TMTC2: variants seen among roughly 807,000 people sequenced by gnomAD.
TMTC2 encodes protein O-mannosyl-transferase TMTC2.
Under a neutral mutation model 82.4 loss-of-function variants are expected in TMTC2, and 43 were observed. The observed-to-expected ratio is 0.52, with a 90% confidence interval of 0.41 to 0.67. TMTC2 has a LOEUF of 0.67. TMTC2 is among the 30% of genes least tolerant of loss of function. TMTC2 has a pLI of 0.00. For missense variants in TMTC2, 919 were observed against 1,012.4 expected, an observed-to-expected ratio of 0.91 and a Z score of 1.25; for synonymous variants, 408 against 381.9, an observed-to-expected ratio of 1.07 and a Z score of -0.80.
chr12:82,911,174 C>T (rs931091996), intron 3 of TMTC2, among the ~76,000 whole-genome samples: 1 of 152,112 alleles, frequency 6.6e-6, no homozygotes, highest in African/African-American at 2.4e-5. Context: ...GCCACTGCGC[C>T]CGGCGGGTCT....
At chr12:82,865,804 A>G (rs1871817198) in intron 2 of TMTC2, among the ~76,000 whole-genome samples, 1 of 152,188 alleles carries the variant, frequency 6.6e-6, no homozygotes, top group Admixed American at 6.5e-5. Context: ...AAATTATAAC[A>G]AACTGTCTCT....
chr12:82,898,753 A>G (rs909558288), intron 3 of TMTC2, among the ~76,000 whole-genome samples: 1 of 152,208 alleles, frequency 6.6e-6, no homozygotes, highest in Admixed American at 6.5e-5. Flanking sequence ...GAAATTGCAC[A>G]CACCATGCTT....
chr12:82,811,288 A>G (rs895274864), intron 1 of TMTC2, among the ~76,000 whole-genome samples: 2 of 152,092 alleles, frequency 1.3e-5, no homozygotes, highest in African/African-American at 4.8e-5. Context: ...GCAGTTCTTT[A>G]TAGCAGTATG....
intron 3 of TMTC2, among the ~76,000 whole-genome samples, chr12:82,905,884 G>T (rs1389935237): frequency 6.6e-6 from 1 of 151,512 alleles, no homozygotes; most frequent in Admixed American, 6.6e-5. Flanking sequence ...GGCAGAGGTT[G>T]CAGTGAGCCG....
rs992850883 is a variant in TMTC2, at chr12:82,704,888, C to T, written c.83+17219C>T. ...ATTATATGAAAAAGATACTTGCACA[C>T]GCATGTTTATAGCGGCACAATTCGC... On this transcript the variant is annotated intron_variant, in intron 1 of 11. Coordinates refer to ENST00000321196, the MANE Select transcript of TMTC2 (RefSeq NM_152588.3). Among the ~76,000 whole-genome samples the T allele has an allele frequency of 3.3e-5, 5 of 152,164 alleles. No homozygotes were observed. The South Asian group carries it at 6.2e-4, about 19-fold the overall frequency.
intron 1 of TMTC2, among the ~76,000 whole-genome samples, chr12:82,821,301 A>G (rs1869096092): frequency 6.6e-6 from 1 of 152,202 alleles, no homozygotes; most frequent in Non-Finnish European, 1.5e-5. Context: ...AGCATCTCAC[A>G]AAAGTCCTGG....
At chr12:82,943,942 G>A (rs1241287658) in intron 4 of TMTC2, among the ~76,000 whole-genome samples, 2 of 152,030 alleles carry the variant, frequency 1.3e-5, no homozygotes, top group Non-Finnish European at 2.9e-5. Flanking sequence ...TTATATTATC[G>A]TGACAAGGTA....
rs1375491269 is a variant in TMTC2, at chr12:82,965,010, T to G, written c.1599-14T>G. ...ATACAGTCCTTTCTCTAAATTTCTG[T>G]TTTCCTCATGCAGAGGGCTACTTCT... On this transcript the variant is annotated splice_polypyrimidine_tract_variant and intron_variant, in intron 4 of 11. Transcript: ENST00000321196. The G allele has an allele frequency of 1.3e-6, 2 of 1,598,074 alleles. No individual in the cohort carries two copies. The highest frequency in any genetic ancestry group is 4.5e-5 in the East Asian group (2 of 44,726).
intron 11 of TMTC2, among the ~76,000 whole-genome samples, chr12:83,124,260 G>A (rs1885041181): frequency 6.6e-6 from 1 of 152,176 alleles, no homozygotes; most frequent in Admixed American, 6.5e-5. Flanking sequence ...ATAAATATGT[G>A]TTAAATTACA....
chr12:82,851,396 A>T (rs982815074), intron 1 of TMTC2, among the ~76,000 whole-genome samples: 1 of 152,204 alleles, frequency 6.6e-6, no homozygotes, highest in Non-Finnish European at 1.5e-5. Flanking sequence ...AGCCTGGGCG[A>T]CAGAGTGAGA....
intron 11 of TMTC2, among the ~76,000 whole-genome samples, chr12:83,103,874 T>C (rs1177324555): frequency 6.6e-6 from 1 of 152,178 alleles, no homozygotes; most frequent in East Asian, 1.9e-4. Flanking sequence ...GCTGGTTACT[T>C]CCAAGTAAAA....
chr12:83,129,591 C>T (rs1407260774), intron 11 of TMTC2, among the ~76,000 whole-genome samples: 1 of 152,132 alleles, frequency 6.6e-6, no homozygotes, highest in Non-Finnish European at 1.5e-5. Context: ...CTTTACCATC[C>T]ATTTTCACAT....
chr12:82,886,718 G>A (rs1873119046), intron 2 of TMTC2, among the ~76,000 whole-genome samples: 1 of 152,086 alleles, frequency 6.6e-6, no homozygotes, highest in Non-Finnish European at 1.5e-5. Flanking sequence ...TAATCTTACA[G>A]ACAGGATGAT....
chr12:82,775,355 T>G (rs1877532053), intron 1 of TMTC2, among the ~76,000 whole-genome samples: 2 of 150,608 alleles, frequency 1.3e-5, no homozygotes, highest in East Asian at 2.0e-4. Context: ...GAGGCTAAGG[T>G]GGGAGGATTG....
intron 2 of TMTC2, among the ~76,000 whole-genome samples, chr12:82,877,227 A>G (rs151045849): frequency 6.6e-6 from 1 of 152,318 alleles, no homozygotes; most frequent in Non-Finnish European, 1.5e-5. Flanking sequence ...TTCTTGAGAG[A>G]TATTTAAAAA....
At position 82,705,229 on chromosome 12, in the gene TMTC2, G is replaced by T. The variant is rs528907864; in HGVS notation, c.83+17560G>T. Reference sequence around the variant, plus strand: ...GGGTGAGGGATAAAAGATGTTGGGTGCAATGTATACTGCTCAGGTGATGAG... The same window carrying T: ...GGGTGAGGGATAAAAGATGTTGGGTTCAATGTATACTGCTCAGGTGATGAG... On this transcript the variant is annotated intron_variant, in intron 1 of 11. Coordinates refer to ENST00000321196, the MANE Select transcript of TMTC2 (RefSeq NM_152588.3). 1.0e-3 allele frequency among the ~76,000 whole-genome samples: 153 copies of T among 152,236 alleles called. 1 individual carries two copies. Among genetic ancestry groups the T allele is most frequent in the African/African-American group, 3.5e-3 (145 of 41,556 alleles).
rs767652398 is a variant in TMTC2, at chr12:83,030,870, A to G, written c.2143A>G (p.Met715Val). Residue 715 changes from methionine (M) to valine (V), a missense_variant, in exon 9 of 12, where the codon ATG becomes GTG. By Grantham distance (21) the Met-to-Val change is conservative. Transcript: ENST00000321196. Reference sequence around the variant, plus strand: ...GGATCCCACCAAAGGAAACTGTTACATGCATTATGGTGAGTGGTTGATAGT... The same window carrying G: ...GGATCCCACCAAAGGAAACTGTTACGTGCATTATGGTGAGTGGTTGATAGT... Reference protein sequence around the residue: ...ELDPTKGNCYMHYGQFLLEEA... With the variant: ...ELDPTKGNCYVHYGQFLLEEA... 7 of 1,612,258 alleles carry G rather than the reference A, an allele frequency of 4.3e-6. No individual in the cohort carries two copies. In the African/African-American group the frequency reaches 8.0e-5, roughly 18 times the overall value.
At chr12:83,113,714 T>G (rs1361588556) in intron 11 of TMTC2, among the ~76,000 whole-genome samples, 1 of 152,248 alleles carries the variant, frequency 6.6e-6, no homozygotes, top group Non-Finnish European at 1.5e-5. Flanking sequence ...CATCATTATT[T>G]TTCCAGGCAT....
intron 1 of TMTC2, among the ~76,000 whole-genome samples, chr12:82,832,111 T>G (rs1319525705): frequency 6.6e-6 from 1 of 152,186 alleles, no homozygotes; most frequent in East Asian, 1.9e-4. Flanking sequence ...CTGTATGAGC[T>G]TCTCAGGCTA....
Sources: allele counts gnomAD v4.1 joint callset (sites outside exome capture counted in the v4.1 genomes callset), GRCh38; gene constraint gnomAD v4.1.1; transcripts MANE v1.5; gene names NCBI Gene and HGNC (gene_info 2026-07-23, HGNC 2026-07-21).